The following ZC3HC1 variants were observed in gnomAD, a reference collection of about 807,000 sequenced individuals.
The protein encoded by ZC3HC1 is zinc finger C3HC-type protein 1.
A neutral mutation model predicts 61.9 loss-of-function variants in ZC3HC1; 38 were observed. The observed-to-expected ratio is 0.61, with a 90% CI of 0.47 to 0.81. The LOEUF (loss-of-function observed/expected upper bound fraction) is 0.81, where lower values mean the gene tolerates loss of function less well. Ranked by LOEUF, ZC3HC1 falls within the 30% of genes least tolerant of loss-of-function variation. The pLI is 0.00. For missense variants in ZC3HC1, 554 were observed against 622.7 expected, an observed-to-expected ratio of 0.89 and a Z score of 1.17; for synonymous variants, 213 against 229.9, an observed-to-expected ratio of 0.93 and a Z score of 0.67.
chr7:130,031,097 A>T (rs997623217), intron 4 of ZC3HC1, among the ~76,000 whole-genome samples: 1 of 151,736 alleles, frequency 6.6e-6, no homozygotes, highest in Non-Finnish European at 1.5e-5. Flanking sequence ...TGGGAGGCCA[A>T]GGTGGGTGGA....
Position 130,018,643 on chromosome 7 carries a change from C to A in ZC3HC1, c.*21G>T, listed in dbSNP as rs1793477359. Reference sequence around the variant, plus strand: ...AAGTCACTCTCATTCCAGCTATCTCCAGGAAGGCGCTGGAGTATCTTCAGC... The same window carrying A: ...AAGTCACTCTCATTCCAGCTATCTCAAGGAAGGCGCTGGAGTATCTTCAGC... On this transcript the variant is annotated 3_prime_UTR_variant, in exon 10 of 10. Coordinates refer to ENST00000358303, the MANE Select transcript of ZC3HC1 (RefSeq NM_016478.5). 2 of 1,594,466 alleles carry A rather than the reference C, an allele frequency of 1.3e-6. No homozygotes were observed. The highest frequency in any genetic ancestry group is 4.5e-5 in the East Asian group (2 of 44,466).
intron 1 of ZC3HC1, among the ~76,000 whole-genome samples, chr7:130,049,873 A>G (rs1795008336): frequency 6.6e-6 from 1 of 151,938 alleles, no homozygotes; most frequent in African/African-American, 2.4e-5. Flanking sequence ...TAACAGCAGA[A>G]AAAACAATTT....
chr7:130,022,308 G>C lies in ZC3HC1; in HGVS notation c.1440+11C>G, dbSNP rs1793679454. ...AGTGCTGCCCACACACAAGGCAGTGGCGTATCTCACCATGGAGTCCGTTTC... is the reference window on the plus strand; with the variant it reads ...AGTGCTGCCCACACACAAGGCAGTGCCGTATCTCACCATGGAGTCCGTTTC... On this transcript the variant is annotated intron_variant, in intron 9 of 9. Coordinates refer to ENST00000358303, the MANE Select transcript of ZC3HC1 (RefSeq NM_016478.5). The C allele has an allele frequency of 1.2e-6, 2 of 1,613,948 alleles. No individual in the cohort carries two copies. The highest frequency in any genetic ancestry group is 1.7e-6 in the Non-Finnish European group (2 of 1,180,050).
At chr7:130,035,454 G>A (rs1374342815) in intron 4 of ZC3HC1, among the ~76,000 whole-genome samples, 2 of 149,436 alleles carry the variant, frequency 1.3e-5, no homozygotes, top group Non-Finnish European at 3.0e-5. Flanking sequence ...TCGTAGTTTC[G>A]CACCTGAACC....
At chr7:130,041,176 G>GTA (rs1794654562) in intron 2 of ZC3HC1, 75 bp from the exon 3 acceptor site, 14 of 1,395,364 alleles carry the variant, frequency 1.0e-5, no homozygotes, top group South Asian at 6.0e-5. Flanking sequence ...GTGTGTGTGT[G>GTA]TATACACATA....
At chr7:130,041,503 A>C (rs1794669944) in intron 2 of ZC3HC1, among the ~76,000 whole-genome samples, 1 of 150,140 alleles carries the variant, frequency 6.7e-6, no homozygotes, top group South Asian at 2.1e-4. Context: ...AATAAGTCAT[A>C]AATTACAATC....
intron 2 of ZC3HC1, among the ~76,000 whole-genome samples, chr7:130,046,294 C>T (rs1326837638): frequency 1.3e-5 from 2 of 151,996 alleles, no homozygotes; most frequent in Non-Finnish European, 2.9e-5. Context: ...ACATGTACCC[C>T]GGAACTGAAG....
intron 4 of ZC3HC1, among the ~76,000 whole-genome samples, chr7:130,031,119 C>T (rs183097514): frequency 2.6e-5 from 4 of 151,404 alleles, no homozygotes; most frequent in Admixed American, 6.6e-5. Context: ...CACCTGAGGT[C>T]GGGAGTTTGA....
chr7:130,028,896 ACTCACC>A lies in ZC3HC1; in HGVS notation c.621_621+5del. The A allele has an allele frequency of 6.2e-7, 1 of 1,611,154 alleles. No homozygotes were observed. Among genetic ancestry groups the A allele is most frequent in the Non-Finnish European group, 8.5e-7 (1 of 1,178,484 alleles). ...GGCCATTGCAGCCTAGTCAGGAAAA[ACTCACC>A]ATAGTTTTCAAGTCCTCCGGCCTTA... On this transcript the variant is annotated splice_donor_variant and splice_donor_5th_base_variant and coding_sequence_variant and intron_variant, in exon 5 of 10. Transcript: ENST00000358303. LOFTEE classifies it high-confidence loss of function.
chr7:130,027,341 G>A (rs1793963058), intron 5 of ZC3HC1: 1 of 152,170 alleles, frequency 6.6e-6, no homozygotes. Context: ...AGCAGGGTCA[G>A]GCCTGGTTAG....
In ZC3HC1 at chr7:130,028,491, G is replaced by A. The variant is rs1451864307; in HGVS notation, c.621+411C>T. ...TGGGAGGTGGAGGTTGCAGTGAGCC[G>A]AGATTACACTATTGCACTCCAGCCT... On this transcript the variant is annotated intron_variant, in intron 5 of 9. Coordinates refer to ENST00000358303, the MANE Select transcript of ZC3HC1 (RefSeq NM_016478.5). Among the ~76,000 whole-genome samples the A allele has an allele frequency of 2.0e-5, 3 of 152,028 alleles. No individual in the cohort carries two copies. In the East Asian group the frequency reaches 5.8e-4, roughly 29 times the overall value.
At chr7:130,030,702 C>T (rs1461263900) in intron 4 of ZC3HC1, among the ~76,000 whole-genome samples, 1 of 150,506 alleles carries the variant, frequency 6.6e-6, no homozygotes, top group Admixed American at 6.6e-5. Flanking sequence ...GACAATCTCG[C>T]TGTTGCCCAG....
intron 1 of ZC3HC1, among the ~76,000 whole-genome samples, 200 bp downstream of exon 1, chr7:130,051,021 C>T (rs1306087270): frequency 1.3e-5 from 2 of 152,214 alleles, no homozygotes; most frequent in Non-Finnish European, 2.9e-5. Context: ...AAAATTTCGG[C>T]TGCGGTTGGG....
intron 2 of ZC3HC1, among the ~76,000 whole-genome samples, chr7:130,045,659 T>G (rs1006778830): frequency 6.6e-6 from 1 of 152,078 alleles, no homozygotes; most frequent in Admixed American, 6.6e-5. Flanking sequence ...CCCAGCACTT[T>G]GGGAGGCTGA....
intron 2 of ZC3HC1, among the ~76,000 whole-genome samples, chr7:130,041,577 TACAATGGC>T (rs1333508293): frequency 6.8e-6 from 1 of 146,068 alleles, no homozygotes; most frequent in East Asian, 2.1e-4. Flanking sequence ...CTGGCTGGAG[TACAATGGC>T]ACAGTCTCGG....
intron 2 of ZC3HC1, chr7:130,043,887 A>G (rs749220694): frequency 6.6e-6 from 3 of 453,572 alleles, no homozygotes; most frequent in South Asian, 3.1e-5. Flanking sequence ...AGTAGTAAAT[A>G]TATTAAGGAT....
At position 130,036,794 on chromosome 7, in the gene ZC3HC1, A is replaced by G. The variant is rs370043488; in HGVS notation, c.493+2670T>C. The stretch of plus-strand genomic sequence containing the variant: ...GAAAGGTTATATCTAAGATCCATGT[A>G]GGAGGTAGAATGGATAGGTCAAAGT... On this transcript the variant is annotated intron_variant, in intron 4 of 9. Coordinates refer to ENST00000358303, the MANE Select transcript of ZC3HC1 (RefSeq NM_016478.5). 22 of 152,298 alleles carry G rather than the reference A, an allele frequency of 1.4e-4. No homozygotes were observed. In the South Asian group the frequency reaches 4.6e-3, roughly 32 times the overall value. The allele number at this position is 152,298 out of a possible 1,614,324, so 9.4% of individuals were successfully genotyped here. A position where few individuals can be genotyped will look rare whatever the true frequency, so the allele number is the denominator to read the frequency against.
chr7:130,026,197 A>ACGT lies in ZC3HC1; in HGVS notation c.734_736dup (p.His245_Val246insAsp). 1 of 1,614,168 alleles carries ACGT rather than the reference A, an allele frequency of 6.2e-7. No homozygotes were observed. Among genetic ancestry groups the ACGT allele is most frequent in the Non-Finnish European group, 8.5e-7 (1 of 1,180,008 alleles). ...ACACACAGAGAGAATACAGGCAGTG[A>ACGT]CGTGGACTTGGATGTCTGAGCCTAA... On this transcript the variant is annotated inframe_insertion, in exon 6 of 10. Coordinates refer to ENST00000358303, the MANE Select transcript of ZC3HC1 (RefSeq NM_016478.5).
At chr7:130,031,853 C>A (rs910214065) in intron 4 of ZC3HC1, among the ~76,000 whole-genome samples, 4 of 152,300 alleles carry the variant, frequency 2.6e-5, no homozygotes, top group African/African-American at 9.6e-5. Flanking sequence ...CCCCCCACCA[C>A]ACACAGAGCT....
Sources: allele counts gnomAD v4.1 joint callset (sites outside exome capture counted in the v4.1 genomes callset), GRCh38; gene constraint gnomAD v4.1.1; transcripts MANE v1.5; gene names NCBI Gene and HGNC (gene_info 2026-07-23, HGNC 2026-07-21).